Variants in GRID2 observed in about 807,000 individuals in gnomAD.
GRID2 encodes the protein glutamate receptor ionotropic, delta-2.
In GRID2, 33 loss-of-function variants were observed where a neutral mutation model predicts 114.8. The ratio of observed to expected loss-of-function variants is 0.29; its 90% CI spans 0.22 to 0.38. The LOEUF is 0.38. Ranked by LOEUF, GRID2 falls within the 10% of genes least tolerant of loss-of-function variation. The pLI, the probability that GRID2 is intolerant of heterozygous loss-of-function variation, is 1.00. For synonymous variants in GRID2, 505 were observed against 449.9 expected (o/e 1.12, Z -1.55); for missense variants, 1,184 against 1,257.7 (o/e 0.94, Z 0.89).
chr4:93,557,045 G>A lies in GRID2; in HGVS notation c.2193+41634G>A, dbSNP rs559511408. Among the ~76,000 whole-genome samples the A allele has an allele frequency of 4.6e-5, 7 of 152,292 alleles. No individual in the cohort carries two copies. The East Asian group carries it at 1.4e-3, about 29-fold the overall frequency. On this transcript the variant is annotated intron_variant, in intron 13 of 15. Transcript: ENST00000282020. ...TTTTTACAGACAAGCAAATGCTGAG[G>A]GATTTTGTCACAGCCAGGCCTGCCT...
At chr4:92,652,015 C>T (rs1407479108) in intron 2 of GRID2, among the ~76,000 whole-genome samples, 5 of 152,096 alleles carry the variant, frequency 3.3e-5, no homozygotes, top group Admixed American at 3.3e-4. Context: ...TGGACCACTT[C>T]TTCATGTACT....
chr4:92,663,993 A>G (rs2149271055), intron 2 of GRID2, among the ~76,000 whole-genome samples: 1 of 151,262 alleles, frequency 6.6e-6, no homozygotes, highest in Admixed American at 6.6e-5. Context: ...TTAAGATGGA[A>G]TCGTATCCTC....
chr4:93,058,437 G>T (rs1048666210), intron 2 of GRID2, among the ~76,000 whole-genome samples: 2 of 151,750 alleles, frequency 1.3e-5, no homozygotes, highest in South Asian at 4.2e-4. Flanking sequence ...TTTAGAATTG[G>T]GAATGTCTAT....
intron 2 of GRID2, among the ~76,000 whole-genome samples, chr4:92,931,304 G>C (rs1311805337): frequency 6.6e-6 from 1 of 150,430 alleles, no homozygotes; most frequent in South Asian, 2.1e-4. Context: ...GTTTTAAAAA[G>C]GTAAGACTGG....
Position 92,747,201 on chromosome 4 carries a change from G to C in GRID2, c.244+156915G>C, listed in dbSNP as rs577933677. Among the ~76,000 whole-genome samples the C allele has an allele frequency of 4.0e-5, 6 of 151,840 alleles. No individual in the cohort carries two copies. The South Asian group carries it at 1.2e-3, about 32-fold the overall frequency. The stretch of plus-strand genomic sequence containing the variant: ...TTATAATGGCAAAACAATAAGACAG[G>C]TTACTTTTATTGTAATTATTTATAA... On this transcript the variant is annotated intron_variant, in intron 2 of 15. Coordinates refer to ENST00000282020, the MANE Select transcript of GRID2 (RefSeq NM_001510.4).
rs1021423613 is a variant in GRID2, at chr4:92,724,667, C to T, written c.244+134381C>T. On this transcript the variant is annotated intron_variant, in intron 2 of 15. Transcript: ENST00000282020. ...CTTCTACCACTATTAACTGTAACACCTTGAACAAGTTACTTAACCTCATGT... is the reference window on the plus strand; with the variant it reads ...CTTCTACCACTATTAACTGTAACACTTTGAACAAGTTACTTAACCTCATGT... Among the ~76,000 whole-genome samples, 343 of 152,184 alleles carry T rather than the reference C, an allele frequency of 2.3e-3. 2 individuals carry two copies. The highest frequency in any genetic ancestry group is 8.0e-3 in the African/African-American group (334 of 41,516).
At chr4:93,189,177 G>A (rs1259667036) in intron 4 of GRID2, among the ~76,000 whole-genome samples, 2 of 152,096 alleles carry the variant, frequency 1.3e-5, no homozygotes, top group Non-Finnish European at 2.9e-5. Flanking sequence ...ACCAAATTCT[G>A]TGTTTGTCAG....
intron 10 of GRID2, among the ~76,000 whole-genome samples, chr4:93,429,794 C>A (rs763483789): frequency 3.9e-5 from 6 of 152,166 alleles, no homozygotes; most frequent in African/African-American, 1.4e-4. Flanking sequence ...AAATATAGCA[C>A]CATTGAGAGT....
chr4:92,596,642 T>C (rs1360335985), intron 2 of GRID2, among the ~76,000 whole-genome samples: 1 of 151,734 alleles, frequency 6.6e-6, no homozygotes, highest in African/African-American at 2.4e-5. Context: ...ATCAATGTAG[T>C]ATTAAAGGAC....
chr4:92,328,666 T>A (rs912983484), intron 1 of GRID2, among the ~76,000 whole-genome samples: 1 of 152,084 alleles, frequency 6.6e-6, no homozygotes, highest in Non-Finnish European at 1.5e-5. Flanking sequence ...ACAAACAGCA[T>A]AATAAAATGT....
At chr4:93,111,552 A>T (rs952660824) in intron 4 of GRID2, among the ~76,000 whole-genome samples, 1 of 152,110 alleles carries the variant, frequency 6.6e-6, no homozygotes, top group Non-Finnish European at 1.5e-5. Context: ...TACAATTAAG[A>T]CTTTCTAGTG....
At chr4:93,589,025 C>A (rs1329860669) in intron 13 of GRID2, among the ~76,000 whole-genome samples, 4 of 144,720 alleles carry the variant, frequency 2.8e-5, no homozygotes, top group Admixed American at 6.9e-5. Flanking sequence ...ATTCTGCACT[C>A]CCCTGCTTTT....
At chr4:92,329,459 T>G (rs181353473) in intron 1 of GRID2, among the ~76,000 whole-genome samples, 1 of 152,210 alleles carries the variant, frequency 6.6e-6, no homozygotes. Context: ...AATACTCATT[T>G]ACTTAGTGTC....
At position 92,609,283 on chromosome 4, in the gene GRID2, T is replaced by C. The variant is rs188305975; in HGVS notation, c.244+18997T>C. On this transcript the variant is annotated intron_variant, in intron 2 of 15. Transcript: ENST00000282020. ...GTTAAGTTTTCATTAATTTAATTAATGTAACAAATATTTATCGAGTGTCTA... is the reference window on the plus strand; with the variant it reads ...GTTAAGTTTTCATTAATTTAATTAACGTAACAAATATTTATCGAGTGTCTA... Among the ~76,000 whole-genome samples the C allele has an allele frequency of 2.8e-3, 423 of 151,864 alleles. 1 individual carries two copies. The highest frequency in any genetic ancestry group is 4.8e-3 in the Non-Finnish European group (326 of 67,820).
chr4:93,592,962 A>T (rs369800509), intron 13 of GRID2, among the ~76,000 whole-genome samples: 47 of 151,056 alleles, frequency 3.1e-4, no homozygotes, highest in African/African-American at 1.7e-4. Flanking sequence ...TCTGCACGTG[A>T]GATGGGTTTC....
At chr4:92,835,630 G>A (rs1056575833) in intron 2 of GRID2, among the ~76,000 whole-genome samples, 5 of 151,938 alleles carry the variant, frequency 3.3e-5, no homozygotes, top group African/African-American at 1.2e-4. Flanking sequence ...TTTAAAATGG[G>A]ACCACCCCCC....
intron 11 of GRID2, among the ~76,000 whole-genome samples, chr4:93,477,729 G>A (rs1175280872): frequency 6.6e-6 from 1 of 152,078 alleles, no homozygotes; most frequent in Non-Finnish European, 1.5e-5. Context: ...GGATATTAGT[G>A]CATTTCATTC....
intron 7 of GRID2, among the ~76,000 whole-genome samples, chr4:93,233,976 A>C (rs1056685785): frequency 2.0e-5 from 3 of 152,136 alleles, no homozygotes; most frequent in African/African-American, 7.2e-5. Context: ...TGGCCTTTTA[A>C]AACGTCTGCA....
intron 1 of GRID2, among the ~76,000 whole-genome samples, chr4:92,585,472 C>A (rs1013664554): frequency 2.0e-5 from 3 of 151,800 alleles, no homozygotes; most frequent in Non-Finnish European, 2.9e-5. Flanking sequence ...AATATTTATG[C>A]ACAAATGTTT....
Sources: gnomAD v4.1 joint callset for allele counts (sites outside exome capture counted in the v4.1 genomes callset) on GRCh38, gnomAD v4.1.1 for gene constraint, MANE v1.5 for transcripts, NCBI Gene and HGNC (gene_info 2026-07-23, HGNC 2026-07-21) for gene names.